BCL2: variants seen among roughly 807,000 people sequenced by gnomAD.
BCL2 encodes BCL2 apoptosis regulator, also known as apoptosis regulator Bcl-2.
BCL2 carries 1 observed loss-of-function variant against 14.2 expected under a neutral mutation model. The ratio of observed to expected loss-of-function variants is 0.07; its 90% CI spans 0.02 to 0.33. The LOEUF (loss-of-function observed/expected upper bound fraction) is 0.33. Among genes scored for constraint, BCL2 ranks in the 10% least tolerant of loss-of-function variants. BCL2 has a pLI of 0.99. For synonymous variants in BCL2, 151 were observed against 137.2 expected (o/e 1.10, Z -0.70); for missense variants, 247 against 305.9 (o/e 0.81, Z 1.44).
intron 2 of BCL2, among the ~76,000 whole-genome samples, chr18:63,300,585 TA>T (rs2144282830): frequency 6.6e-6 from 1 of 152,272 alleles, no homozygotes; most frequent in South Asian, 2.1e-4. Context: ...GACTGAAGCC[TA>T]AACTTTTAAA....
At chr18:63,162,249 T>C (rs1168761002) in intron 2 of BCL2, among the ~76,000 whole-genome samples, 1 of 152,114 alleles carries the variant, frequency 6.6e-6, no homozygotes. Flanking sequence ...TTGAAGACGA[T>C]GATGACCCAT....
At chr18:63,266,635 T>TCA (rs1291334380) in intron 2 of BCL2, among the ~76,000 whole-genome samples, 15 of 136,488 alleles carry the variant, frequency 1.1e-4, no homozygotes, top group East Asian at 2.2e-4. Flanking sequence ...TCTCTCTCTC[T>TCA]CTCACACACA....
At chr18:63,302,575 TAAAC>T (rs1435769365) in intron 2 of BCL2, 6 of 985,084 alleles carry the variant, frequency 6.1e-6, no homozygotes, top group Non-Finnish European at 7.2e-6. Context: ...TGTGCTTTAT[TAAAC>T]AAACCACTTA....
At chr18:63,196,912 C>T (rs1453994010) in intron 2 of BCL2, among the ~76,000 whole-genome samples, 1 of 152,136 alleles carries the variant, frequency 6.6e-6, no homozygotes, top group Non-Finnish European at 1.5e-5. Flanking sequence ...AACTTACTTT[C>T]CCTCTAACCA....
At chr18:63,255,129 T>C (rs890893723) in intron 2 of BCL2, among the ~76,000 whole-genome samples, 1 of 152,222 alleles carries the variant, frequency 6.6e-6, no homozygotes, top group African/African-American at 2.4e-5. Flanking sequence ...ACCTCCATTT[T>C]ACTGATGGCA....
intron 2 of BCL2, among the ~76,000 whole-genome samples, chr18:63,310,618 C>T (rs1191110255): frequency 6.6e-6 from 1 of 152,250 alleles, no homozygotes; most frequent in Non-Finnish European, 1.5e-5. Context: ...AACTAAAACA[C>T]CTAGCATAGA....
intron 2 of BCL2, among the ~76,000 whole-genome samples, chr18:63,275,795 A>G (rs1223091325): frequency 6.6e-6 from 1 of 152,236 alleles, no homozygotes; most frequent in Non-Finnish European, 1.5e-5. Flanking sequence ...AGCAGATCCC[A>G]CTGGGGTGCC....
intron 2 of BCL2, among the ~76,000 whole-genome samples, chr18:63,154,434 C>T (rs745775000): frequency 2.6e-5 from 4 of 152,160 alleles, no homozygotes; most frequent in African/African-American, 9.7e-5. Flanking sequence ...TATCCAAATG[C>T]CCTGAGTGGC....
rs1314537355 is a variant in BCL2, at chr18:63,125,456, A to T, written c.*3169T>A. ...CTGGGAGGGCCGAGGAGGTTCTCAG[A>T]TGTTCTTCTCCTTTTGGGGCTTTTT... On this transcript the variant is annotated 3_prime_UTR_variant, in exon 3 of 3. Transcript: ENST00000333681. 1.4e-5 allele frequency: 3 copies of T among 221,104 alleles called. No individual in the cohort carries two copies. Among genetic ancestry groups the T allele is most frequent in the Non-Finnish European group, 2.7e-5 (3 of 110,482 alleles). 13.7% of individuals were successfully genotyped at this position (221,104 alleles called of 1,614,324 possible). A position where few individuals can be genotyped will look rare whatever the true frequency, so the allele number is the denominator to read the frequency against.
chr18:63,165,705 G>T (rs910727194), intron 2 of BCL2, among the ~76,000 whole-genome samples: 1 of 152,202 alleles, frequency 6.6e-6, no homozygotes. Context: ...TTTACAAAGG[G>T]ATGCAAAGGG....
chr18:63,271,355 G>A, intron 2 of BCL2, among the ~76,000 whole-genome samples: 1 of 152,124 alleles, frequency 6.6e-6, no homozygotes. Context: ...AAAGAGACAC[G>A]TGTTCTAATT....
At chr18:63,281,493 CT>C (rs1167186923) in intron 2 of BCL2, among the ~76,000 whole-genome samples, 1 of 151,938 alleles carries the variant, frequency 6.6e-6, no homozygotes, top group Non-Finnish European at 1.5e-5. Context: ...AGTGAGACCC[CT>C]GTCTCTACAA....
At chr18:63,147,541 A>T (rs1338754668) in intron 2 of BCL2, among the ~76,000 whole-genome samples, 1 of 152,220 alleles carries the variant, frequency 6.6e-6, no homozygotes, top group Non-Finnish European at 1.5e-5. Context: ...TGTTCTTGAT[A>T]TTCTAGACAT....
chr18:63,190,946 T>A (rs144266165), intron 2 of BCL2, among the ~76,000 whole-genome samples: 11 of 152,312 alleles, frequency 7.2e-5, no homozygotes, highest in African/African-American at 2.6e-4. Flanking sequence ...AGTGAGAACA[T>A]GCAGTGTTTG....
chr18:63,155,526 G>A (rs1387464405), intron 2 of BCL2, among the ~76,000 whole-genome samples: 1 of 151,772 alleles, frequency 6.6e-6, no homozygotes, highest in Non-Finnish European at 1.5e-5. Flanking sequence ...CAGGGGCCCA[G>A]GAGTGCAGGG....
intron 2 of BCL2, among the ~76,000 whole-genome samples, chr18:63,250,809 A>G (rs1048161729): frequency 1.1e-4 from 17 of 152,252 alleles, no homozygotes; most frequent in African/African-American, 4.1e-4. Context: ...ACAGCAAATA[A>G]TAATGGTCAC....
Position 63,318,057 on chromosome 18 carries a change from G to A in BCL2, c.585+25C>T. On this transcript the variant is annotated intron_variant, in intron 2 of 2. Coordinates refer to ENST00000333681, the MANE Select transcript of BCL2 (RefSeq NM_000633.3). The surrounding 1 kb of genome is among the most constrained non-coding windows in gnomAD (Gnocchi z 7.4). ...ATCTCGGACCTGTGGCCTCAGCCCA[G>A]ACTCACATCACCAAGTGCACCTACC... 1 of 1,612,332 alleles carries A rather than the reference G, an allele frequency of 6.2e-7. No homozygotes were observed. The highest frequency in any genetic ancestry group is 8.5e-7 in the Non-Finnish European group (1 of 1,179,126).
chr18:63,266,496 A>G (rs1911825586), intron 2 of BCL2, among the ~76,000 whole-genome samples: 1 of 151,478 alleles, frequency 6.6e-6, no homozygotes, highest in Non-Finnish European at 1.5e-5. Flanking sequence ...GTATTTTTTG[A>G]ATTTTATAAT....
intron 2 of BCL2, among the ~76,000 whole-genome samples, chr18:63,194,372 T>C (rs1289367997): frequency 2.2e-4 from 33 of 151,840 alleles, no homozygotes; most frequent in Admixed American, 2.2e-3. Flanking sequence ...CTCACTCTAT[T>C]GTCCAGGCTG....
Sources: gnomAD v4.1 joint callset for allele counts (sites outside exome capture counted in the v4.1 genomes callset) on GRCh38, gnomAD v4.1.1 for gene constraint, Gnocchi (gnomAD v3.1) non-coding constraint, MANE v1.5 for transcripts, NCBI Gene and HGNC (gene_info 2026-07-23, HGNC 2026-07-21) for gene names.